SORCS2: variants seen among roughly 807,000 people sequenced by gnomAD.
SORCS2 encodes the protein sortilin related VPS10 domain containing receptor 2.
SORCS2 carries 100 observed loss-of-function variants against 141.6 expected under a neutral mutation model. That is an observed-to-expected ratio of 0.71 (90% CI 0.60 to 0.83). The LOEUF (loss-of-function observed/expected upper bound fraction) is 0.83, where lower values mean the gene tolerates loss of function less well. Among genes scored for constraint, SORCS2 ranks in the 40% least tolerant of loss-of-function variants. The pLI, the probability that SORCS2 is intolerant of heterozygous loss-of-function variation, is 0.00. For synonymous variants in SORCS2, 789 were observed against 676.9 expected (o/e 1.17, Z -2.57); for missense variants, 1,646 against 1,560.2 (o/e 1.05, Z -0.93).
intron 1 of SORCS2, among the ~76,000 whole-genome samples, chr4:7,234,650 C>G (rs1258780451): frequency 1.3e-5 from 2 of 152,188 alleles, no homozygotes; most frequent in East Asian, 3.9e-4. Context: ...TGGCCATTGT[C>G]CTCTAGGATC....
At chr4:7,672,382 T>C (rs1722853024) in intron 8 of SORCS2, among the ~76,000 whole-genome samples, 1 of 152,226 alleles carries the variant, frequency 6.6e-6, no homozygotes, top group Non-Finnish European at 1.5e-5. Flanking sequence ...AGCTGATACA[T>C]TCAAAGCGCT....
At chr4:7,563,807 A>G (rs1714767876) in intron 3 of SORCS2, among the ~76,000 whole-genome samples, 1 of 152,206 alleles carries the variant, frequency 6.6e-6, no homozygotes, top group Non-Finnish European at 1.5e-5. Context: ...CTAGAATTCA[A>G]AGTGGTCTAG....
intron 3 of SORCS2, among the ~76,000 whole-genome samples, chr4:7,622,891 G>A (rs1175206694): frequency 6.6e-6 from 1 of 152,026 alleles, no homozygotes; most frequent in African/African-American, 2.4e-5. Flanking sequence ...CATTTTTCCT[G>A]CTGTGCCATT....
Position 7,246,668 on chromosome 4 carries a change from G to A in SORCS2, c.480+53542G>A, listed in dbSNP as rs372048249. 3.7e-4 allele frequency among the ~76,000 whole-genome samples: 57 copies of A among 152,342 alleles called. 1 individual carries two copies. The highest frequency in any genetic ancestry group is 3.5e-3 in the East Asian group (18 of 5,182). On this transcript the variant is annotated intron_variant, in intron 1 of 26. Coordinates refer to ENST00000507866, the MANE Select transcript of SORCS2 (RefSeq NM_020777.3). ...TGCTGCTCTAATCCAAAGGAGCAGT[G>A]ATGGGAAGAGCCAGGTAGCATCTGG...
intron 3 of SORCS2, among the ~76,000 whole-genome samples, chr4:7,631,878 TG>T (rs1431594069): frequency 6.6e-6 from 1 of 152,136 alleles, no homozygotes; most frequent in East Asian, 1.9e-4. Flanking sequence ...TCTTTGAGGG[TG>T]GGAGGGATCT....
At chr4:7,661,892 G>A (rs890906007) in intron 6 of SORCS2, among the ~76,000 whole-genome samples, 2 of 152,132 alleles carry the variant, frequency 1.3e-5, no homozygotes, top group Non-Finnish European at 2.9e-5. Context: ...GCACGGGTGT[G>A]CACACCGGAC....
chr4:7,485,574 A>G (rs753420702), intron 2 of SORCS2, among the ~76,000 whole-genome samples: 1 of 152,070 alleles, frequency 6.6e-6, no homozygotes, highest in Non-Finnish European at 1.5e-5. Context: ...TCAACAACAC[A>G]CTCTTGTTAT....
At chr4:7,258,630 A>G (rs184206176) in intron 1 of SORCS2, among the ~76,000 whole-genome samples, 1 of 152,356 alleles carries the variant, frequency 6.6e-6, no homozygotes, top group Admixed American at 6.5e-5. Context: ...TCTTTATAGT[A>G]GAATGATTTA....
In SORCS2 at chr4:7,458,827, C is replaced by A. The variant is rs116455317; in HGVS notation, c.548+62472C>A. Among the ~76,000 whole-genome samples, 288 of 152,170 alleles carry A rather than the reference C, an allele frequency of 1.9e-3. 1 individual carries two copies. Among genetic ancestry groups the A allele is most frequent in the African/African-American group, 6.6e-3 (275 of 41,528 alleles). On this transcript the variant is annotated intron_variant, in intron 2 of 26. Transcript: ENST00000507866. ...TGGTGTCCCCAGGGGTCAGGGGAGT[C>A]TTCTTGGTGGAGGCAATGCTTAATG...
intron 26 of SORCS2, among the ~76,000 whole-genome samples, chr4:7,738,741 G>T (rs901986850): frequency 6.6e-6 from 1 of 152,134 alleles, no homozygotes; most frequent in Non-Finnish European, 1.5e-5. Flanking sequence ...GCAAATTATT[G>T]AAAGTGAGGC....
chr4:7,373,205 G>A (rs1174661866), intron 1 of SORCS2, among the ~76,000 whole-genome samples: 3 of 151,534 alleles, frequency 2.0e-5, no homozygotes, highest in Admixed American at 2.0e-4. Flanking sequence ...CAACACCAAG[G>A]TATGAGAGTT....
intron 1 of SORCS2, among the ~76,000 whole-genome samples, chr4:7,237,134 T>C (rs59143164): frequency 0.045 from 6,894 of 152,242 alleles, 498 homozygotes; most frequent in African/African-American, 0.15. Context: ...AGAACAGAAA[T>C]TGGAATGTGA....
intron 3 of SORCS2, among the ~76,000 whole-genome samples, chr4:7,539,434 C>G (rs1712387318): frequency 6.6e-6 from 1 of 152,208 alleles, no homozygotes; most frequent in African/African-American, 2.4e-5. Flanking sequence ...CCTGTGGACT[C>G]TGTGTGCTTG....
At chr4:7,328,210 A>G (rs892303148) in intron 1 of SORCS2, among the ~76,000 whole-genome samples, 11 of 125,254 alleles carry the variant, frequency 8.8e-5, no homozygotes, top group Non-Finnish European at 1.5e-4. Context: ...TTTTTTTTTC[A>G]TTTTTAGTAG....
rs994860447 is a variant in SORCS2, at chr4:7,276,495, T to C, written c.480+83369T>C. Among the ~76,000 whole-genome samples the C allele has an allele frequency of 4.6e-5, 7 of 152,270 alleles. No individual in the cohort carries two copies. In the East Asian group the frequency reaches 7.7e-4, roughly 17 times the overall value. The stretch of plus-strand genomic sequence containing the variant: ...GCCATCTCTTCCTGGCCAGCTCCCT[T>C]GTCCTGATGTAGAGGAGGCCCCTGT... On this transcript the variant is annotated intron_variant, in intron 1 of 26. Transcript: ENST00000507866.
At chr4:7,337,485 G>A (rs754390740) in intron 1 of SORCS2, among the ~76,000 whole-genome samples, 6 of 152,148 alleles carry the variant, frequency 3.9e-5, no homozygotes, top group Non-Finnish European at 2.9e-5. Context: ...AGAGTTCCAG[G>A]TAGCAGGGAG....
At chr4:7,642,563 G>A (rs959696254) in intron 4 of SORCS2, among the ~76,000 whole-genome samples, 7 of 152,224 alleles carry the variant, frequency 4.6e-5, no homozygotes, top group African/African-American at 1.7e-4. Context: ...GTTTTTCAAA[G>A]CTAATTCTCA....
At chr4:7,335,446 C>T (rs1022805379) in intron 1 of SORCS2, among the ~76,000 whole-genome samples, 3 of 152,190 alleles carry the variant, frequency 2.0e-5, no homozygotes, top group Non-Finnish European at 2.9e-5. Flanking sequence ...CCCGACAGAC[C>T]CCACACGTGC....
At chr4:7,397,171 C>G (rs1321465394) in intron 2 of SORCS2, among the ~76,000 whole-genome samples, 1 of 152,182 alleles carries the variant, frequency 6.6e-6, no homozygotes, top group Non-Finnish European at 1.5e-5. Context: ...ACCTGCTGAT[C>G]AGGACCTCGA....
Sources: allele counts gnomAD v4.1 joint callset (sites outside exome capture counted in the v4.1 genomes callset), GRCh38; gene constraint gnomAD v4.1.1; transcripts MANE v1.5; gene names NCBI Gene and HGNC (gene_info 2026-07-23, HGNC 2026-07-21).